The following NKAIN2 variants were observed in gnomAD, a reference collection of about 807,000 sequenced individuals.
NKAIN2 encodes the protein sodium/potassium-transporting ATPase subunit beta-1-interacting protein 2.
Under a neutral mutation model 32.6 loss-of-function variants are expected in NKAIN2, and 14 were observed. That is an observed-to-expected ratio of 0.43 (90% confidence interval 0.28 to 0.67). The LOEUF is 0.67. Among genes scored for constraint, NKAIN2 ranks in the 30% least tolerant of loss-of-function variants. The pLI is 0.17. For missense variants in NKAIN2, 198 were observed against 258.3 expected, an observed-to-expected ratio of 0.77 and a Z score of 1.60; for synonymous variants, 80 against 87.2, an observed-to-expected ratio of 0.92 and a Z score of 0.46.
chr6:124,784,393 C>G (rs774358406), intron 4 of NKAIN2, among the ~76,000 whole-genome samples: 19 of 152,024 alleles, frequency 1.2e-4, no homozygotes, highest in Non-Finnish European at 2.1e-4. Flanking sequence ...TCTAACCCAC[C>G]CCCCTTAGTC....
intron 3 of NKAIN2, among the ~76,000 whole-genome samples, chr6:124,524,064 G>A (rs1378156201): frequency 1.3e-5 from 2 of 152,070 alleles, no homozygotes; most frequent in Non-Finnish European, 2.9e-5. Context: ...TTTCCACTAA[G>A]AAATTACTAC....
At chr6:124,757,541 A>T (rs1013304994) in intron 4 of NKAIN2, among the ~76,000 whole-genome samples, 1 of 152,176 alleles carries the variant, frequency 6.6e-6, no homozygotes, top group African/African-American at 2.4e-5. Flanking sequence ...CTGTGACAAG[A>T]GCACATATGA....
chr6:123,870,560 C>A (rs1450383917), intron 1 of NKAIN2, among the ~76,000 whole-genome samples: 1 of 152,086 alleles, frequency 6.6e-6, no homozygotes. Context: ...CTAATGCCCG[C>A]CTCAAAGGAA....
At chr6:124,257,865 G>C (rs1794025032) in intron 1 of NKAIN2, among the ~76,000 whole-genome samples, 1 of 143,150 alleles carries the variant, frequency 7.0e-6, no homozygotes, top group Non-Finnish European at 1.5e-5. Flanking sequence ...TACAACATTT[G>C]CCTCCAGGGT....
At chr6:124,310,223 TA>T (rs1362810136) in intron 2 of NKAIN2, among the ~76,000 whole-genome samples, 1 of 152,140 alleles carries the variant, frequency 6.6e-6, no homozygotes, top group Non-Finnish European at 1.5e-5. Flanking sequence ...ATGATATATA[TA>T]GTTATGTTAG....
chr6:124,566,396 T>C (rs116237242), intron 3 of NKAIN2, among the ~76,000 whole-genome samples: 3 of 152,096 alleles, frequency 2.0e-5, no homozygotes, highest in Non-Finnish European at 4.4e-5. Flanking sequence ...TGATGTCTTA[T>C]TCCACTTCAC....
intron 1 of NKAIN2, among the ~76,000 whole-genome samples, chr6:123,962,285 G>A (rs1482062889): frequency 6.6e-6 from 1 of 152,136 alleles, no homozygotes; most frequent in African/African-American, 2.4e-5. Flanking sequence ...AGTCCCACCA[G>A]TCATCAGCAA....
intron 2 of NKAIN2, among the ~76,000 whole-genome samples, chr6:124,302,364 A>G (rs542962746): frequency 2.0e-5 from 3 of 152,354 alleles, no homozygotes; most frequent in Non-Finnish European, 4.4e-5. Context: ...CTAGGTATCA[A>G]ATGGTTTTTA....
intron 1 of NKAIN2, among the ~76,000 whole-genome samples, chr6:123,930,555 G>A (rs1776207741): frequency 6.6e-6 from 1 of 152,242 alleles, no homozygotes; most frequent in South Asian, 2.1e-4. Flanking sequence ...TAAATATGAA[G>A]TATGTATTTT....
chr6:124,728,929 C>A (rs1420024089), intron 4 of NKAIN2, among the ~76,000 whole-genome samples: 1 of 150,374 alleles, frequency 6.7e-6, no homozygotes, highest in Admixed American at 6.6e-5. Context: ...ACTACAAACA[C>A]CTCTACGCAA....
At chr6:124,659,151 C>T (rs1489071862) in intron 4 of NKAIN2, among the ~76,000 whole-genome samples, 1 of 152,052 alleles carries the variant, frequency 6.6e-6, no homozygotes, top group Non-Finnish European at 1.5e-5. Context: ...GTTAAGGCAA[C>T]TTTATGACAC....
chr6:124,151,849 A>G (rs1787741325), intron 1 of NKAIN2, among the ~76,000 whole-genome samples: 1 of 151,978 alleles, frequency 6.6e-6, no homozygotes. Flanking sequence ...GGTTGACTAC[A>G]TATTAATTTA....
At chr6:123,871,123 G>A (rs935827061) in intron 1 of NKAIN2, among the ~76,000 whole-genome samples, 2 of 152,066 alleles carry the variant, frequency 1.3e-5, no homozygotes, top group East Asian at 1.9e-4. Flanking sequence ...GTCCAGTTTC[G>A]ATGTCCCTAT....
At chr6:123,896,076 C>T (rs975541890) in intron 1 of NKAIN2, among the ~76,000 whole-genome samples, 1 of 152,166 alleles carries the variant, frequency 6.6e-6, no homozygotes, top group Non-Finnish European at 1.5e-5. Flanking sequence ...AGACACGTAA[C>T]ATTAACTGAT....
chr6:124,421,821 C>T (rs1003286389), intron 3 of NKAIN2, among the ~76,000 whole-genome samples: 1 of 152,248 alleles, frequency 6.6e-6, no homozygotes, highest in African/African-American at 2.4e-5. Context: ...TCTCCTCTTC[C>T]TGCAGGGAAG....
intron 1 of NKAIN2, among the ~76,000 whole-genome samples, chr6:124,098,342 G>T (rs546531097): frequency 6.6e-6 from 1 of 152,210 alleles, no homozygotes; most frequent in Non-Finnish European, 1.5e-5. Context: ...CTCACACGAG[G>T]AATGCCTCAA....
At chr6:124,284,870 A>G (rs774773324) in intron 2 of NKAIN2, among the ~76,000 whole-genome samples, 4 of 151,968 alleles carry the variant, frequency 2.6e-5, no homozygotes, top group Admixed American at 2.6e-4. Flanking sequence ...TGTTGGATGA[A>G]CTATTTCTGT....
At chr6:124,173,843 C>T (rs1350146186) in intron 1 of NKAIN2, among the ~76,000 whole-genome samples, 1 of 151,864 alleles carries the variant, frequency 6.6e-6, no homozygotes, top group African/African-American at 2.4e-5. Flanking sequence ...GGTTCTTATT[C>T]CTTATTTCTT....
intron 3 of NKAIN2, 110 bp downstream of exon 3, chr6:124,355,457 G>A: frequency 1.5e-6 from 1 of 654,210 alleles, no homozygotes; most frequent in East Asian, 2.6e-5. Context: ...CTCAATGAAA[G>A]TAAATTGAAA....
Sources: allele counts gnomAD v4.1 joint callset (sites outside exome capture counted in the v4.1 genomes callset), GRCh38; gene constraint gnomAD v4.1.1; transcripts MANE v1.5; gene names NCBI Gene and HGNC (gene_info 2026-07-23, HGNC 2026-07-21).